Variants in DOK6 observed in about 807,000 individuals in gnomAD.
DOK6 encodes docking protein 6, also known as downstream of tyrosine kinase 6.
A neutral mutation model predicts 44.0 loss-of-function variants in DOK6; 22 were observed. The ratio of observed to expected loss-of-function variants is 0.50; its 90% CI spans 0.36 to 0.71. The LOEUF is 0.71. Ranked by LOEUF, DOK6 falls within the 30% of genes least tolerant of loss-of-function variation. The pLI, the probability that DOK6 is intolerant of heterozygous loss-of-function variation, is 0.00. For missense variants in DOK6, 340 were observed against 416.4 expected, an observed-to-expected ratio of 0.82 and a Z score of 1.60; for synonymous variants, 166 against 145.5, an observed-to-expected ratio of 1.14 and a Z score of -1.01.
intron 5 of DOK6, among the ~76,000 whole-genome samples, chr18:69,717,772 T>G (rs1408121896): frequency 1.3e-5 from 2 of 152,138 alleles, no homozygotes; most frequent in African/African-American, 4.8e-5. Context: ...GATAGTATCT[T>G]AGAGTTAAAG....
intron 6 of DOK6, among the ~76,000 whole-genome samples, chr18:69,742,505 A>C (rs551978747): frequency 1.3e-5 from 2 of 152,194 alleles, no homozygotes; most frequent in Non-Finnish European, 2.9e-5. Flanking sequence ...GGACAAAAGA[A>C]CCACTAAATT....
intron 1 of DOK6, among the ~76,000 whole-genome samples, chr18:69,417,784 T>C (rs1255162437): frequency 2.0e-5 from 3 of 152,198 alleles, no homozygotes; most frequent in African/African-American, 7.2e-5. Context: ...TCATTGTGGT[T>C]TCTATTTGCA....
intron 1 of DOK6, among the ~76,000 whole-genome samples, chr18:69,550,446 T>C (rs1236204273): frequency 6.6e-6 from 1 of 152,166 alleles, no homozygotes; most frequent in Non-Finnish European, 1.5e-5. Context: ...AACAATATAT[T>C]TTTTTCCTCC....
intron 3 of DOK6, among the ~76,000 whole-genome samples, chr18:69,645,956 G>A (rs1238821839): frequency 6.6e-6 from 1 of 152,120 alleles, no homozygotes; most frequent in Non-Finnish European, 1.5e-5. Context: ...TGTGATCGAG[G>A]AGTCTGATTT....
chr18:69,689,242 G>A (rs1220210803), intron 4 of DOK6, among the ~76,000 whole-genome samples: 1 of 152,106 alleles, frequency 6.6e-6, no homozygotes, highest in Non-Finnish European at 1.5e-5. Flanking sequence ...GGGGACAGAA[G>A]CATTACATGT....
chr18:69,513,123 A>G (rs1981421013), intron 1 of DOK6, among the ~76,000 whole-genome samples: 1 of 150,004 alleles, frequency 6.7e-6, no homozygotes, highest in Non-Finnish European at 1.5e-5. Flanking sequence ...AAGCTCGTTC[A>G]CTAAATGTAA....
Position 69,490,937 on chromosome 18 carries a change from T to C in DOK6, c.67-73550T>C, listed in dbSNP as rs547776504. Among the ~76,000 whole-genome samples, 195 of 152,372 alleles carry C rather than the reference T, an allele frequency of 1.3e-3. 2 individuals carry two copies. The highest frequency in any genetic ancestry group is 4.4e-3 in the African/African-American group (184 of 41,594). On this transcript the variant is annotated intron_variant, in intron 1 of 7. Transcript: ENST00000382713. ...TCATGAATTTTACAAGAATGACTCA[T>C]GTCTCATTGTGAATGCCCTCAGAAG...
intron 7 of DOK6, among the ~76,000 whole-genome samples, chr18:69,830,383 TG>T (rs1981867036): frequency 1.3e-5 from 2 of 152,292 alleles, no homozygotes; most frequent in South Asian, 4.1e-4. Context: ...TGAGATCATA[TG>T]GGTAGAACCT....
At chr18:69,485,635 C>T (rs1356382454) in intron 1 of DOK6, among the ~76,000 whole-genome samples, 1 of 152,084 alleles carries the variant, frequency 6.6e-6, no homozygotes, top group Non-Finnish European at 1.5e-5. Flanking sequence ...AAACATTCAA[C>T]TCGGTTTGAG....
At chr18:69,773,972 T>C (rs979738888) in intron 7 of DOK6, among the ~76,000 whole-genome samples, 1 of 150,782 alleles carries the variant, frequency 6.6e-6, no homozygotes, top group Non-Finnish European at 1.5e-5. Context: ...CATGTATGTT[T>C]ATAGCAGCAC....
rs1555670147 is a variant in DOK6, at chr18:69,774,133, G to GAGATATATATATATATAT, written c.856+16261_856+16262insGATATATATATATATATA. On this transcript the variant is annotated intron_variant, in intron 7 of 7. Coordinates refer to ENST00000382713, the MANE Select transcript of DOK6 (RefSeq NM_152721.6). ...TAGATTTATATAGATATATATATGA[G>GAGATATATATATATATAT]ATATATATATATATATATATATAAT... Among the ~76,000 whole-genome samples the GAGATATATATATATATAT allele has an allele frequency of 4.5e-5, 3 of 66,896 alleles. No individual in the cohort carries two copies. The South Asian group carries it at 2.2e-3, about 48-fold the overall frequency. 43.9% of individuals were successfully genotyped at this position (66,896 alleles called of 152,430 possible). A position where few individuals can be genotyped will look rare whatever the true frequency, so the allele number is the denominator to read the frequency against.
intron 3 of DOK6, chr18:69,659,710 G>A (rs1438376266): frequency 6.6e-6 from 1 of 151,818 alleles, no homozygotes; most frequent in African/African-American, 2.4e-5. Flanking sequence ...GACTGTGCCT[G>A]TAATTATTTG....
chr18:69,630,957 A>G (rs1984677870), intron 3 of DOK6, among the ~76,000 whole-genome samples: 1 of 152,204 alleles, frequency 6.6e-6, no homozygotes, highest in Admixed American at 6.5e-5. Flanking sequence ...AAGTAACTGA[A>G]AAGTAGCTTG....
intron 1 of DOK6, among the ~76,000 whole-genome samples, chr18:69,440,661 G>T (rs950966923): frequency 6.6e-6 from 1 of 151,932 alleles, no homozygotes; most frequent in African/African-American, 2.4e-5. Flanking sequence ...AGCATTTATT[G>T]TGTCTGTGAA....
intron 3 of DOK6, among the ~76,000 whole-genome samples, chr18:69,603,782 A>C (rs1310469025): frequency 6.6e-6 from 1 of 151,232 alleles, no homozygotes; most frequent in Non-Finnish European, 1.5e-5. Flanking sequence ...AAAAAAAAAA[A>C]AAAAAAAAAA....
intron 1 of DOK6, among the ~76,000 whole-genome samples, chr18:69,527,138 T>C (rs1426527715): frequency 6.6e-6 from 1 of 152,214 alleles, no homozygotes; most frequent in African/African-American, 2.4e-5. Context: ...TATGCATTGT[T>C]ACTTCTGTCT....
rs369395076 is a variant in DOK6 at position 69,692,599 on chromosome 18, G to A, written c.410-5805G>A. 2.6e-5 allele frequency among the ~76,000 whole-genome samples: 4 copies of A among 152,252 alleles called. No individual in the cohort carries two copies. In the East Asian group the frequency reaches 7.7e-4, roughly 29 times the overall value. ...ACCAGTTGATTGTATATAGAAGTGAGTCTTAACTTTATGGAATCACTCGTT... is the reference window on the plus strand; with the variant it reads ...ACCAGTTGATTGTATATAGAAGTGAATCTTAACTTTATGGAATCACTCGTT... On this transcript the variant is annotated intron_variant, in intron 4 of 7. Coordinates refer to ENST00000382713, the MANE Select transcript of DOK6 (RefSeq NM_152721.6).
At chr18:69,459,677 C>A (rs1488316052) in intron 1 of DOK6, among the ~76,000 whole-genome samples, 1 of 152,152 alleles carries the variant, frequency 6.6e-6, no homozygotes. Flanking sequence ...ACTAAGCTTT[C>A]ATCACTGTAC....
At chr18:69,673,810 G>T (rs1985861540) in intron 3 of DOK6, among the ~76,000 whole-genome samples, 1 of 152,118 alleles carries the variant, frequency 6.6e-6, no homozygotes, top group Non-Finnish European at 1.5e-5. Flanking sequence ...TCTGAAAAAG[G>T]CATCTTCATG....
Sources: gnomAD v4.1 joint callset for allele counts (sites outside exome capture counted in the v4.1 genomes callset) on GRCh38, gnomAD v4.1.1 for gene constraint, MANE v1.5 for transcripts, NCBI Gene and HGNC (gene_info 2026-07-23, HGNC 2026-07-21) for gene names.